Variants in ZC3H13 observed in about 807,000 individuals in gnomAD.
ZC3H13 encodes the protein zinc finger CCCH domain-containing protein 13.
A neutral mutation model predicts 204.1 loss-of-function variants in ZC3H13; 64 were observed. That is an observed-to-expected ratio of 0.31 (90% CI 0.26 to 0.39). The LOEUF is 0.39. Ranked by LOEUF, ZC3H13 falls within the 10% of genes least tolerant of loss-of-function variation. The pLI is 1.00. For missense variants in ZC3H13, 1,833 were observed against 2,082.7 expected (o/e 0.88, Z 2.33); for synonymous variants, 667 against 693.7 (o/e 0.96, Z 0.60).
intron 8 of ZC3H13, among the ~76,000 whole-genome samples, chr13:46,000,016 G>A (rs1486826145): frequency 2.0e-5 from 3 of 152,168 alleles, no homozygotes; most frequent in Non-Finnish European, 2.9e-5. Context: ...TCAATAGTGG[G>A]CTTAAAATAT....
chr13:46,015,171 C>G (rs2041836784), intron 5 of ZC3H13, among the ~76,000 whole-genome samples: 1 of 152,134 alleles, frequency 6.6e-6, no homozygotes, highest in Non-Finnish European at 1.5e-5. Context: ...CACTTGAAAA[C>G]ATTAATGTTC....
intron 4 of ZC3H13, among the ~76,000 whole-genome samples, chr13:46,022,926 T>C (rs2042305963): frequency 6.6e-6 from 1 of 152,146 alleles, no homozygotes; most frequent in Non-Finnish European, 1.5e-5. Flanking sequence ...TGTTTGAAGT[T>C]TTTTGAATTT....
chr13:46,004,168 C>A (rs1262067368), intron 7 of ZC3H13, among the ~76,000 whole-genome samples: 1 of 151,210 alleles, frequency 6.6e-6, no homozygotes. Context: ...GTGTCACATA[C>A]ATTCATGGGA....
At chr13:45,992,600 A>G (rs773887745) in intron 8 of ZC3H13, among the ~76,000 whole-genome samples, 1 of 152,166 alleles carries the variant, frequency 6.6e-6, no homozygotes, top group Admixed American at 6.5e-5. Context: ...ATTTTTCACA[A>G]AAAAATTTGC....
In ZC3H13 at chr13:45,985,104, C is replaced by G. The variant is rs116972623; in HGVS notation, c.1720+193G>C. On this transcript the variant is annotated intron_variant, in intron 10 of 18. Transcript: ENST00000679008. ...GGATATACTTAGGGGGGGTCTAGCT[C>G]AAGCTCCATTTATCTTTTGCTATTT... is the stretch of plus-strand genomic sequence containing the variant. Among the ~76,000 whole-genome samples, 267 of 152,280 alleles carry G rather than the reference C, an allele frequency of 1.8e-3. 2 individuals are homozygous for G. The highest frequency in any genetic ancestry group is 2.7e-3 in the Non-Finnish European group (181 of 68,020).
chr13:45,965,017 T>C (rs928946715), intron 16 of ZC3H13, among the ~76,000 whole-genome samples: 1 of 152,218 alleles, frequency 6.6e-6, no homozygotes, highest in African/African-American at 2.4e-5. Context: ...AGTCATATAA[T>C]ATGATTCTTA....
intron 16 of ZC3H13, 102 bp downstream of exon 16, chr13:45,965,178 T>C (rs184923187): frequency 7.2e-7 from 1 of 1,394,382 alleles, no homozygotes; most frequent in Non-Finnish European, 9.5e-7. Flanking sequence ...AAAGGAAAAA[T>C]TCTAAGTGTC....
intron 1 of ZC3H13, among the ~76,000 whole-genome samples, chr13:46,046,661 C>T (rs966225909): frequency 2.2e-5 from 2 of 91,356 alleles, no homozygotes; most frequent in African/African-American, 1.0e-4. Context: ...AAGCGAGACT[C>T]CATCTCAAAA....
chr13:46,045,348 G>A, intron 2 of ZC3H13, 43 bp downstream of exon 2: 1 of 1,481,088 alleles, frequency 6.8e-7, no homozygotes. Context: ...TTCAATAATA[G>A]AATTCTAAGA....
intron 9 of ZC3H13, among the ~76,000 whole-genome samples, chr13:45,987,856 T>G (rs1421148202): frequency 6.6e-6 from 1 of 152,152 alleles, no homozygotes; most frequent in Non-Finnish European, 1.5e-5. Context: ...ACCAGAAGCT[T>G]AGACAAGAAG....
intron 4 of ZC3H13, among the ~76,000 whole-genome samples, chr13:46,037,468 T>A (rs768453393): frequency 9.2e-5 from 14 of 152,228 alleles, no homozygotes; most frequent in Non-Finnish European, 2.9e-5. Context: ...GCTTGAATAT[T>A]CTTCCTGACT....
At chr13:46,039,195 C>T (rs1244057362) in intron 4 of ZC3H13, among the ~76,000 whole-genome samples, 1 of 152,116 alleles carries the variant, frequency 6.6e-6, no homozygotes, top group Non-Finnish European at 1.5e-5. Flanking sequence ...CTAGGGAAAG[C>T]AAGAATCAGG....
intron 7 of ZC3H13, among the ~76,000 whole-genome samples, chr13:46,009,607 CA>C (rs1235596573): frequency 1.4e-5 from 2 of 139,858 alleles, no homozygotes; most frequent in Non-Finnish European, 3.3e-5. Flanking sequence ...ATTTTTAGTT[CA>C]TTTTTTTTAA....
rs750230138 is a variant in ZC3H13 at position 46,026,521 on chromosome 13, A to T, written c.340-5964T>A. ...GAACTAGAAAATACACCTTTTTTTTAAAGCATGGGTGGAAAATTGAGAAAA... is the reference window on the plus strand; with the variant it reads ...GAACTAGAAAATACACCTTTTTTTTTAAGCATGGGTGGAAAATTGAGAAAA... On this transcript the variant is annotated intron_variant, in intron 4 of 18. Transcript: ENST00000679008. Among the ~76,000 whole-genome samples, 81 of 151,954 alleles carry T rather than the reference A, an allele frequency of 5.3e-4. 2 individuals are homozygous for T. The highest frequency in any genetic ancestry group is 1.3e-4 in the Non-Finnish European group (9 of 67,966).
chr13:45,997,371 A>G (rs113550199), intron 8 of ZC3H13, among the ~76,000 whole-genome samples: 1 of 152,234 alleles, frequency 6.6e-6, no homozygotes, highest in Admixed American at 6.5e-5. Context: ...CTAGGCTTCA[A>G]GAATGATTCA....
At chr13:45,978,079 T>C (rs760307144) in intron 11 of ZC3H13, among the ~76,000 whole-genome samples, 9 of 152,156 alleles carry the variant, frequency 5.9e-5, no homozygotes, top group Non-Finnish European at 8.8e-5. Flanking sequence ...GCTCCTTCTA[T>C]AGTTTCCTTT....
At chr13:46,029,095 T>C (rs1029614033) in intron 4 of ZC3H13, among the ~76,000 whole-genome samples, 1 of 152,044 alleles carries the variant, frequency 6.6e-6, no homozygotes, top group Non-Finnish European at 1.5e-5. Flanking sequence ...ACATAAATTA[T>C]CAATAGGAGA....
intron 17 of ZC3H13, chr13:45,962,756 T>C (rs1295678679): frequency 1.5e-5 from 15 of 985,330 alleles, no homozygotes; most frequent in Non-Finnish European, 1.8e-5. Flanking sequence ...ACTAAACTTT[T>C]ATGTCCAGGG....
At chr13:46,013,080 C>T (rs1440285751) in intron 5 of ZC3H13, among the ~76,000 whole-genome samples, 1 of 152,114 alleles carries the variant, frequency 6.6e-6, no homozygotes, top group Non-Finnish European at 1.5e-5. Context: ...TCTCAATTTT[C>T]AACTATCCAA....
Sources: allele counts gnomAD v4.1 joint callset (sites outside exome capture counted in the v4.1 genomes callset), GRCh38; gene constraint gnomAD v4.1.1; transcripts MANE v1.5; gene names NCBI Gene and HGNC (gene_info 2026-07-23, HGNC 2026-07-21).